The following AFG1L variants were observed in gnomAD, a reference collection of about 807,000 sequenced individuals.
AFG1L encodes the protein AFG1 like ATPase, also known as AFG1-like ATPase.
A neutral mutation model predicts 62.2 loss-of-function variants in AFG1L; 53 were observed. That is an observed-to-expected ratio of 0.85 (90% CI 0.68 to 1.07). The LOEUF (loss-of-function observed/expected upper bound fraction) is 1.07, where lower values mean the gene tolerates loss of function less well. AFG1L is among the 50% of genes least tolerant of loss of function. AFG1L has a pLI of 0.00. For synonymous variants in AFG1L, 228 were observed against 210.3 expected, an observed-to-expected ratio of 1.08 and a Z score of -0.73; for missense variants, 555 against 590.5, an observed-to-expected ratio of 0.94 and a Z score of 0.62.
chr6:108,453,565 A>G (rs1772140169), intron 8 of AFG1L, among the ~76,000 whole-genome samples: 1 of 152,262 alleles, frequency 6.6e-6, no homozygotes, highest in Non-Finnish European at 1.5e-5. Context: ...TGAAGCTTCT[A>G]TGTGTTAAAA....
At chr6:108,473,610 T>G (rs1358046968) in intron 8 of AFG1L, among the ~76,000 whole-genome samples, 3 of 152,164 alleles carry the variant, frequency 2.0e-5, no homozygotes, top group African/African-American at 7.2e-5. Context: ...CAAGCTGGAG[T>G]GCAATGGCAC....
Position 108,522,750 on chromosome 6 carries a change from C to A in AFG1L, c.*325C>A. ...CTTGAATGCACAAGTAAATGCAAGACGTCTGGATACCTTCAAGCTTTGGCT... is the reference window on the plus strand; with the variant it reads ...CTTGAATGCACAAGTAAATGCAAGAAGTCTGGATACCTTCAAGCTTTGGCT... On this transcript the variant is annotated 3_prime_UTR_variant, in exon 13 of 13. Coordinates refer to ENST00000368977, the MANE Select transcript of AFG1L (RefSeq NM_145315.5). The A allele has an allele frequency of 5.9e-6, 1 of 169,682 alleles. No individual in the cohort carries two copies. The highest frequency in any genetic ancestry group is 1.3e-5 in the Non-Finnish European group (1 of 78,840). 10.5% of individuals were successfully genotyped at this position (169,682 alleles called of 1,614,324 possible).
At chr6:108,379,093 C>A (rs1780382975) in intron 6 of AFG1L, among the ~76,000 whole-genome samples, 1 of 151,118 alleles carries the variant, frequency 6.6e-6, no homozygotes, top group South Asian at 2.1e-4. Context: ...TTACTACAAC[C>A]TCCTCCTCCC....
intron 10 of AFG1L, among the ~76,000 whole-genome samples, chr6:108,488,873 C>A (rs1364320910): frequency 5.3e-5 from 8 of 151,936 alleles, no homozygotes; most frequent in Admixed American, 5.3e-4. Context: ...AAACAAAAAA[C>A]CGGAGTTGGC....
intron 6 of AFG1L, among the ~76,000 whole-genome samples, chr6:108,397,961 T>A (rs1044937972): frequency 6.6e-6 from 1 of 152,218 alleles, no homozygotes; most frequent in African/African-American, 2.4e-5. Context: ...TTCTTTTGGA[T>A]ATATACCCAG....
intron 10 of AFG1L, among the ~76,000 whole-genome samples, chr6:108,490,867 C>T (rs184776781): frequency 2.8e-4 from 43 of 152,338 alleles, no homozygotes; most frequent in Non-Finnish European, 1.8e-4. Flanking sequence ...GAATATCTCT[C>T]TCTACTGACG....
chr6:108,497,324 T>C (rs188732869), intron 10 of AFG1L, among the ~76,000 whole-genome samples: 1 of 152,334 alleles, frequency 6.6e-6, no homozygotes, highest in East Asian at 1.9e-4. Context: ...AGAATTTCTT[T>C]ATTACTACTG....
chr6:108,362,008 A>G (rs1562108668), intron 5 of AFG1L, among the ~76,000 whole-genome samples: 1 of 152,216 alleles, frequency 6.6e-6, no homozygotes, highest in Non-Finnish European at 1.5e-5. Context: ...GAATGAATGA[A>G]TAAGTAGTGA....
intron 2 of AFG1L, among the ~76,000 whole-genome samples, chr6:108,339,564 A>C (rs953587637): frequency 6.8e-6 from 1 of 147,912 alleles, no homozygotes; most frequent in Non-Finnish European, 1.5e-5. Context: ...GGTTCAAGTG[A>C]TTCTCCCACC....
intron 7 of AFG1L, among the ~76,000 whole-genome samples, chr6:108,434,227 T>C (rs1473033275): frequency 6.6e-6 from 1 of 152,230 alleles, no homozygotes; most frequent in Non-Finnish European, 1.5e-5. Context: ...TACAGCTCTA[T>C]GCTGATGGCT....
chr6:108,473,219 T>C (rs1050249251), intron 8 of AFG1L, among the ~76,000 whole-genome samples: 1 of 152,252 alleles, frequency 6.6e-6, no homozygotes, highest in Non-Finnish European at 1.5e-5. Context: ...AATTTCACTA[T>C]ATAGAAAATC....
intron 10 of AFG1L, among the ~76,000 whole-genome samples, chr6:108,496,418 T>TG (rs1403516541): frequency 6.6e-6 from 1 of 152,256 alleles, no homozygotes; most frequent in Non-Finnish European, 1.5e-5. Context: ...TGCTAGGTGC[T>TG]GGGGACACTG....
chr6:108,373,761 GA>G (rs55638869), intron 6 of AFG1L, among the ~76,000 whole-genome samples: 146,803 of 152,090 alleles, frequency 0.97, 71,060 homozygotes, highest in East Asian at 1. Context: ...AGTTTTAGTA[GA>G]AGATGGGGTT....
chr6:108,347,136 A>G (rs2114419145), intron 3 of AFG1L, 97 bp downstream of exon 3: 1 of 1,054,390 alleles, frequency 9.5e-7, no homozygotes, highest in Non-Finnish European at 1.5e-6. Context: ...ATCTGTTACC[A>G]GCAAGGGAAT....
intron 10 of AFG1L, among the ~76,000 whole-genome samples, chr6:108,494,413 T>C (rs1309867526): frequency 6.6e-6 from 1 of 150,780 alleles, no homozygotes; most frequent in Non-Finnish European, 1.5e-5. Context: ...TAAGTCATTG[T>C]TTCTACAAGC....
At chr6:108,394,445 G>A (rs528896791) in intron 6 of AFG1L, among the ~76,000 whole-genome samples, 13 of 135,124 alleles carry the variant, frequency 9.6e-5, no homozygotes, top group African/African-American at 3.3e-4. Context: ...CACCATGCCC[G>A]GCCTTGCCGT....
At chr6:108,400,052 T>A (rs1200183920) in intron 6 of AFG1L, among the ~76,000 whole-genome samples, 1 of 152,170 alleles carries the variant, frequency 6.6e-6, no homozygotes, top group Non-Finnish European at 1.5e-5. Flanking sequence ...GTGCTAGGAT[T>A]ACAGGTGTGA....
chr6:108,519,617 T>G, intron 11 of AFG1L, 80 bp from the exon 12 acceptor site: 1 of 774,846 alleles, frequency 1.3e-6, no homozygotes, highest in South Asian at 1.6e-5. Context: ...AAAAACAGAC[T>G]TTTATTTTGT....
intron 1 of AFG1L, among the ~76,000 whole-genome samples, chr6:108,296,623 G>A (rs2114807697): frequency 6.6e-6 from 1 of 152,216 alleles, no homozygotes; most frequent in East Asian, 1.9e-4. Flanking sequence ...AGTTAATTCT[G>A]TTAATTGTTA....
Sources: allele counts gnomAD v4.1 joint callset (sites outside exome capture counted in the v4.1 genomes callset), GRCh38; gene constraint gnomAD v4.1.1; transcripts MANE v1.5; gene names NCBI Gene and HGNC (gene_info 2026-07-23, HGNC 2026-07-21).